The following NEXN variants were observed in gnomAD, a reference collection of about 807,000 sequenced individuals.
The protein encoded by NEXN is nexilin F-actin binding protein.
A neutral mutation model predicts 92.6 loss-of-function variants in NEXN; 65 were observed. The ratio of observed to expected loss-of-function variants is 0.70; its 90% confidence interval spans 0.57 to 0.86. NEXN has a LOEUF of 0.86. Among genes scored for constraint, NEXN ranks in the 40% least tolerant of loss-of-function variants. The probability of loss-of-function intolerance (pLI) is 0.00; values close to 1 mark genes in which losing one functional copy is unlikely to be tolerated. For missense variants in NEXN, 778 were observed against 771.1 expected (o/e 1.01, Z -0.11); for synonymous variants, 254 against 242.5 (o/e 1.05, Z -0.44).
chr1:77,919,307 A>C (rs1211601831), intron 5 of NEXN, among the ~76,000 whole-genome samples: 1 of 152,244 alleles, frequency 6.6e-6, no homozygotes, highest in African/African-American at 2.4e-5. Flanking sequence ...GTGGGGACAC[A>C]GAGCCAAACC....
chr1:77,926,357 C>T, intron 6 of NEXN, 57 bp from the exon 7 acceptor site: 2 of 1,276,766 alleles, frequency 1.6e-6, no homozygotes, highest in Non-Finnish European at 2.2e-6. Flanking sequence ...GGTAAAGTCC[C>T]ATGAAACCCA....
intron 1 of NEXN, among the ~76,000 whole-genome samples, chr1:77,910,381 A>G (rs888635218): frequency 6.6e-6 from 1 of 152,242 alleles, no homozygotes; most frequent in African/African-American, 2.4e-5. Context: ...AGGAAAAAGT[A>G]GAACTGTGCT....
intron 10 of NEXN, 73 bp from the exon 11 acceptor site, chr1:77,935,750 C>T: frequency 7.1e-7 from 1 of 1,401,440 alleles, no homozygotes; most frequent in South Asian, 1.2e-5. Context: ...CACAGGAATT[C>T]AAGGCCAGCC....
intron 1 of NEXN, among the ~76,000 whole-genome samples, chr1:77,912,911 C>A (rs1322030322): frequency 6.6e-6 from 1 of 152,050 alleles, no homozygotes; most frequent in East Asian, 1.9e-4. Flanking sequence ...ATACCAAAGT[C>A]ACAATTCATG....
chr1:77,940,476 A>C (rs934445145), intron 11 of NEXN, among the ~76,000 whole-genome samples: 3 of 152,206 alleles, frequency 2.0e-5, no homozygotes, highest in East Asian at 1.9e-4. Context: ...ACTGTGCATA[A>C]ATTTTCAGCT....
chr1:77,891,747 TAAA>T (rs373772489), intron 1 of NEXN, among the ~76,000 whole-genome samples: 102,755 of 129,084 alleles, frequency 0.8, 40,816 homozygotes, highest in East Asian at 0.89. Flanking sequence ...GGAAAAAAAG[TAAA>T]AAAAAAAAAA....
intron 1 of NEXN, among the ~76,000 whole-genome samples, chr1:77,914,853 G>A (rs371185701): frequency 3.8e-4 from 53 of 140,424 alleles, no homozygotes; most frequent in African/African-American, 1.1e-3. Flanking sequence ...GCGAAACTAC[G>A]TCTCAAAAAA....
chr1:77,892,331 T>C (rs895729651), intron 1 of NEXN, among the ~76,000 whole-genome samples: 4 of 151,776 alleles, frequency 2.6e-5, no homozygotes, highest in African/African-American at 9.7e-5. Flanking sequence ...ATAGTGTACA[T>C]TGTACCCAAA....
Position 77,926,841 on chromosome 1 carries a change from A to G in NEXN, c.813A>G (p.Arg271=). 1 of 1,614,062 alleles carries G rather than the reference A, an allele frequency of 6.2e-7. No individual in the cohort carries two copies. The highest frequency in any genetic ancestry group is 8.5e-7 in the Non-Finnish European group (1 of 1,179,996). Residue 271 remains arginine, a synonymous_variant, in exon 8 of 13, where the codon AGA becomes AGG. Transcript: ENST00000334785. ...NRKKQAEEEA[R]KRLEEEKRAF... is the part of the protein sequence containing the mutation. ...AGAAGCAAGCTGAAGAGGAAGCAAG[A>G]AAACGTTTAGAAGAAGAGAAGCGTG...
At position 77,929,367 on chromosome 1, in the gene NEXN, C is replaced by A. The variant is rs765051104; in HGVS notation, c.916C>A (p.Arg306Ser). Residue 306 changes from arginine (R) to serine (S), a missense_variant, in exon 9 of 13, where the codon CGC becomes AGC. By Grantham distance (110) the Arg-to-Ser change is moderately radical (BLOSUM62 -1). Transcript: ENST00000334785. ...QDTAKIFKGY[R>S]PGKLKLSFEE... ...CACAGCAAAAATTTTTAAAGGGTAC[C>A]GCCCTGGTAAACTCAAACTCAGTTT... is the stretch of plus-strand genomic sequence containing the variant. 6.2e-7 allele frequency: 1 copy of A among 1,613,564 alleles called. No individual in the cohort carries two copies. Among genetic ancestry groups the A allele is most frequent in the Non-Finnish European group, 8.5e-7 (1 of 1,179,880 alleles).
chr1:77,915,664 A>T lies in NEXN; in HGVS notation c.-52-391A>T, dbSNP rs576616704. ...AAAAACAAAACAAAACAAAACAAGC[A>T]AACAAAAAACTACATAGTTGAAGAT... On this transcript the variant is annotated intron_variant, in intron 1 of 12. Transcript: ENST00000334785. Among the ~76,000 whole-genome samples, 206 of 152,276 alleles carry T rather than the reference A, an allele frequency of 1.4e-3. 2 individuals are homozygous for T. Among genetic ancestry groups the T allele is most frequent in the Non-Finnish European group, 2.5e-3 (170 of 68,030 alleles).
chr1:77,896,496 G>A (rs901139648), intron 1 of NEXN, among the ~76,000 whole-genome samples: 1 of 151,940 alleles, frequency 6.6e-6, no homozygotes, highest in African/African-American at 2.4e-5. Flanking sequence ...GGCTGGGCAT[G>A]GTGGCTCACA....
At chr1:77,922,864 G>A (rs568878080) in intron 5 of NEXN, among the ~76,000 whole-genome samples, 44 of 151,692 alleles carry the variant, frequency 2.9e-4, no homozygotes, top group African/African-American at 1.0e-3. Context: ...CAAAGTGCTG[G>A]GATTACAGGC....
chr1:77,938,778 GGA>G (rs887026622), intron 11 of NEXN, among the ~76,000 whole-genome samples: 5 of 152,116 alleles, frequency 3.3e-5, no homozygotes, highest in Non-Finnish European at 7.4e-5. Context: ...CAGGTAAAGA[GGA>G]GAGACATTCC....
chr1:77,892,172 T>C (rs536899727), intron 1 of NEXN, among the ~76,000 whole-genome samples: 3 of 152,272 alleles, frequency 2.0e-5, no homozygotes, highest in Admixed American at 1.3e-4. Flanking sequence ...CTCTTAAAAA[T>C]TGGAAAATCT....
At chr1:77,896,361 T>C (rs1647256726) in intron 1 of NEXN, among the ~76,000 whole-genome samples, 2 of 152,112 alleles carry the variant, frequency 1.3e-5, no homozygotes, top group Admixed American at 1.3e-4. Flanking sequence ...TGTTTATTTC[T>C]CATCCTCTGA....
At chr1:77,908,276 A>C (rs1268675706) in intron 1 of NEXN, among the ~76,000 whole-genome samples, 5 of 149,438 alleles carry the variant, frequency 3.3e-5, no homozygotes, top group African/African-American at 1.2e-4. Flanking sequence ...GAGTCTCGCT[A>C]TGTTGCCCAA....
At chr1:77,932,379 A>C (rs1055916558) in intron 9 of NEXN, among the ~76,000 whole-genome samples, 2 of 152,204 alleles carry the variant, frequency 1.3e-5, no homozygotes, top group African/African-American at 4.8e-5. Flanking sequence ...GGATTAAATA[A>C]ATTAATACAT....
intron 1 of NEXN, among the ~76,000 whole-genome samples, chr1:77,914,494 A>G (rs1372257842): frequency 6.6e-6 from 1 of 152,214 alleles, no homozygotes; most frequent in Non-Finnish European, 1.5e-5. Flanking sequence ...TAAATATTTA[A>G]ATGATAGGCC....
Sources: allele counts gnomAD v4.1 joint callset (sites outside exome capture counted in the v4.1 genomes callset), GRCh38; gene constraint gnomAD v4.1.1; transcripts MANE v1.5; gene names NCBI Gene and HGNC (gene_info 2026-07-23, HGNC 2026-07-21).